FKBP15: variants seen among roughly 807,000 people sequenced by gnomAD.
The protein encoded by FKBP15 is FKBP prolyl isomerase family member 15.
Under a neutral mutation model 158.1 loss-of-function variants are expected in FKBP15, and 106 were observed. The observed-to-expected ratio is 0.67, with a 90% CI of 0.57 to 0.79. The LOEUF is 0.79. Among genes scored for constraint, FKBP15 ranks in the 30% least tolerant of loss-of-function variants. The pLI is 0.00. For missense variants in FKBP15, 1,287 were observed against 1,479.1 expected (o/e 0.87, Z 2.13); for synonymous variants, 547 against 548.6 (o/e 1.00, Z 0.04).
Position 113,165,990 on chromosome 9 carries a change from T to A in FKBP15, c.*88A>T. On this transcript the variant is annotated 3_prime_UTR_variant, in exon 28 of 28. Transcript: ENST00000238256. ...CAGAATGCTCACCTTGACCTCACCC[T>A]GTGGTTCGCCTAGACCCAGGGTTGG... is the stretch of plus-strand genomic sequence containing the variant. 7.7e-7 allele frequency: 1 copy of A among 1,298,448 alleles called. No homozygotes were observed. Among genetic ancestry groups the A allele is most frequent in the Non-Finnish European group, 1.1e-6 (1 of 926,208 alleles). 80.4% of individuals were successfully genotyped at this position (1,298,448 alleles called of 1,614,324 possible). A position where few individuals can be genotyped will look rare whatever the true frequency, so the allele number is the denominator to read the frequency against.
chr9:113,162,326 A>C lies in FKBP15; in HGVS notation c.*3752T>G. On this transcript the variant is annotated 3_prime_UTR_variant, in exon 28 of 28. Coordinates refer to ENST00000238256, the MANE Select transcript of FKBP15 (RefSeq NM_015258.2). ...TTCAGAGAGGTTAAGACATTTGTCT[A>C]GGCCACTTTTAGTTAGTGGCAGGTC... 4.6e-6 allele frequency: 1 copy of C among 218,206 alleles called. No homozygotes were observed. The highest frequency in any genetic ancestry group is 1.7e-3 in the Middle Eastern group (1 of 590). 13.5% of individuals were successfully genotyped at this position (218,206 alleles called of 1,614,324 possible). A position where few individuals can be genotyped will look rare whatever the true frequency, so the allele number is the denominator to read the frequency against.
intron 6 of FKBP15, among the ~76,000 whole-genome samples, chr9:113,201,171 C>T (rs1385979450): frequency 6.7e-6 from 1 of 149,590 alleles, no homozygotes; most frequent in South Asian, 2.1e-4. Context: ...GGCAAAGGTA[C>T]GATGAGAAAA....
intron 7 of FKBP15, 129 bp from the exon 8 acceptor site, chr9:113,199,052 G>GT (rs1830738695): frequency 1.6e-6 from 1 of 630,118 alleles, no homozygotes. Context: ...TGGGAAGATA[G>GT]TTTCTAAAGG....
chr9:113,216,003 C>G (rs939141732), intron 1 of FKBP15, among the ~76,000 whole-genome samples: 3 of 143,950 alleles, frequency 2.1e-5, no homozygotes, highest in African/African-American at 7.9e-5. Context: ...CACGGAGACA[C>G]GAAGGGAGGA....
At chr9:113,194,290 T>G (rs1443636397) in intron 9 of FKBP15, 121 bp from the exon 10 acceptor site, 4 of 691,952 alleles carry the variant, frequency 5.8e-6, no homozygotes, top group Non-Finnish European at 9.3e-6. Flanking sequence ...AGGGGAGGGA[T>G]AGCATTGGGA....
chr9:113,170,622 T>A lies in FKBP15; in HGVS notation c.2666A>T (p.Lys889Met). 1 of 1,611,676 alleles carries A rather than the reference T, an allele frequency of 6.2e-7. No individual in the cohort carries two copies. Among genetic ancestry groups the A allele is most frequent in the Non-Finnish European group, 8.5e-7 (1 of 1,177,840 alleles). The change falls in exon 25 of 28, where the codon AAG becomes ATG. Residue 889 changes from lysine (K) to methionine (M), a missense_variant. Physicochemically the swap from Lys to Met is moderately conservative, Grantham distance 95. Coordinates refer to ENST00000238256, the MANE Select transcript of FKBP15 (RefSeq NM_015258.2). ...GGACTGGAACACCTGGTTCATGATC[T>A]TCTTGACCTGTGTGAACATCAAAAC... ...AASDPSEKVKKIMNQVFQSLR... is the reference protein window; with the variant it reads ...AASDPSEKVKMIMNQVFQSLR...
Position 113,184,869 on chromosome 9 carries a change from G to C in FKBP15, c.1499-65C>G. On this transcript the variant is annotated intron_variant, in intron 15 of 27. Transcript: ENST00000238256. The surrounding 1 kb of genome is among the most constrained non-coding windows in gnomAD (Gnocchi z 4.5). ...AGCAGAGGAAACTGTATGAAGAAAA[G>C]CTAGTAGCTCTTCCAGTAAAGAAAG... is the stretch of plus-strand genomic sequence containing the variant. The C allele has an allele frequency of 8.1e-7, 1 of 1,228,692 alleles. No homozygotes were observed. Among genetic ancestry groups the C allele is most frequent in the Non-Finnish European group, 1.2e-6 (1 of 865,658 alleles). The allele number at this position is 1,228,692 out of a possible 1,614,324, so 76.1% of individuals were successfully genotyped here. A position where few individuals can be genotyped will look rare whatever the true frequency, so the allele number is the denominator to read the frequency against.
intron 5 of FKBP15, 56 bp downstream of exon 5, chr9:113,202,905 C>T: frequency 1.5e-6 from 2 of 1,369,992 alleles, no homozygotes; most frequent in Non-Finnish European, 2.1e-6. Flanking sequence ...TCAGACCAGT[C>T]TCTCCTGTAA....
At position 113,184,935 on chromosome 9, in the gene FKBP15, T is replaced by C. The variant is rs951786855; in HGVS notation, c.1499-131A>G. 25 of 702,286 alleles carry C rather than the reference T, an allele frequency of 3.6e-5. No homozygotes were observed. The African/African-American group carries it at 4.1e-4, about 12-fold the overall frequency. 43.5% of individuals were successfully genotyped at this position (702,286 alleles called of 1,614,324 possible). ...TACACTAGGAAATGCTATAGGTGAC[T>C]TCACCCTGTCAGGAGAAGATATATG... is the stretch of plus-strand genomic sequence containing the variant. On this transcript the variant is annotated intron_variant, in intron 15 of 27. Transcript: ENST00000238256. This position sits in a 1 kb window ranked among gnomAD's most constrained non-coding sequence, Gnocchi z 4.5.
At chr9:113,215,642 ATATTTTTTTTTT>A (rs1831112308) in intron 1 of FKBP15, among the ~76,000 whole-genome samples, 2 of 82,566 alleles carry the variant, frequency 2.4e-5, no homozygotes, top group African/African-American at 9.9e-5. Flanking sequence ...ATATATATAT[ATATTTTTTTTTT>A]TTTTTTTTTT....
intron 19 of FKBP15, 68 bp downstream of exon 19, chr9:113,182,698 A>G (rs1830419791): frequency 4.8e-6 from 6 of 1,246,576 alleles, no homozygotes; most frequent in Non-Finnish European, 7.0e-6. Flanking sequence ...ACTGGTGAGT[A>G]TGTACATGGG....
In FKBP15 at chr9:113,171,596, A is replaced by G. The variant is rs774794439; in HGVS notation, c.2643T>C (p.Ser881=). Residue 881 remains serine (S), a synonymous_variant, in exon 24 of 28, where the codon TCT becomes TCC. Transcript: ENST00000238256. The part of the protein sequence containing the change: ...SQMSGVEAAA[S]DPSEKVKKIM... ...ACCAGCTCACCTTCTCTGAGGGGTC[A>G]GATGCAGCAGCTTCAACCCCAGACA... The G allele has an allele frequency of 7.5e-6, 12 of 1,607,572 alleles. No homozygotes were observed. The South Asian group carries it at 1.1e-4, about 15-fold the overall frequency.
intron 23 of FKBP15, among the ~76,000 whole-genome samples, chr9:113,171,936 T>G (rs1429867254): frequency 6.6e-6 from 1 of 152,156 alleles, no homozygotes; most frequent in African/African-American, 2.4e-5. Flanking sequence ...GCCATGTTGG[T>G]GTGCTGCACC....
chr9:113,213,582 C>CAAAAAAAA (rs34466143), intron 1 of FKBP15, among the ~76,000 whole-genome samples: 1 of 140,436 alleles, frequency 7.1e-6, no homozygotes, highest in Non-Finnish European at 1.6e-5. Flanking sequence ...TCCCCCGAAC[C>CAAAAAAAA]AAAAAAAAAA....
At chr9:113,183,934 T>C (rs1401723097) in intron 17 of FKBP15, 89 bp from the exon 18 acceptor site, 7 of 936,672 alleles carry the variant, frequency 7.5e-6, no homozygotes, top group Non-Finnish European at 1.2e-5. Context: ...ACAGGTGACA[T>C]TGTTAACATG....
intron 11 of FKBP15, 52 bp downstream of exon 11, chr9:113,193,440 G>C (rs1325807597): frequency 6.8e-7 from 1 of 1,469,678 alleles, no homozygotes; most frequent in Non-Finnish European, 9.3e-7. Context: ...TTCGCAAAGT[G>C]TTAGGATTAC....
At chr9:113,200,921 G>C (rs745401964) in intron 6 of FKBP15, among the ~76,000 whole-genome samples, 2 of 151,888 alleles carry the variant, frequency 1.3e-5, no homozygotes, top group South Asian at 2.1e-4. Context: ...GTGTGCGCCT[G>C]TAGTCCCAGC....
chr9:113,171,796 C>CTA, intron 23 of FKBP15, 90 bp from the exon 24 acceptor site: 1 of 1,094,014 alleles, frequency 9.1e-7, no homozygotes, highest in Non-Finnish European at 1.2e-6. Flanking sequence ...AACATCAAGT[C>CTA]TCTTTTTTTT....
chr9:113,193,969 C>G (rs114976009), intron 10 of FKBP15, 58 bp downstream of exon 10: 1 of 1,508,690 alleles, frequency 6.6e-7, no homozygotes, highest in African/African-American at 1.4e-5. Context: ...TTTCTGAACC[C>G]CTCTAAGAAT....
Sources: allele counts gnomAD v4.1 joint callset (sites outside exome capture counted in the v4.1 genomes callset), GRCh38; gene constraint gnomAD v4.1.1; non-coding constraint Gnocchi (gnomAD v3.1); transcripts MANE v1.5; gene names NCBI Gene and HGNC (gene_info 2026-07-23, HGNC 2026-07-21).